DOCK3: variants seen among roughly 807,000 people sequenced by gnomAD.
The protein encoded by DOCK3 is dedicator of cytokinesis 3.
A neutral mutation model predicts 265.6 loss-of-function variants in DOCK3; 60 were observed. The observed-to-expected ratio is 0.23, with a 90% CI of 0.18 to 0.28. The LOEUF (loss-of-function observed/expected upper bound fraction) is 0.28, where lower values mean the gene tolerates loss of function less well. Ranked by LOEUF, DOCK3 falls within the 10% of genes least tolerant of loss-of-function variation. The pLI is 1.00. For synonymous variants in DOCK3, 881 were observed against 938.0 expected (o/e 0.94, Z 1.11); for missense variants, 1,981 against 2,594.3 (o/e 0.76, Z 5.14).
chr3:51,236,314 C>T (rs1271855495), intron 19 of DOCK3, 31 bp from the exon 20 acceptor site: 1 of 1,557,948 alleles, frequency 6.4e-7, no homozygotes, highest in Non-Finnish European at 8.9e-7. Flanking sequence ...GGTCCTGAGA[C>T]CTGAGCCCTC....
chr3:50,963,309 G>T (rs992192951), intron 5 of DOCK3, among the ~76,000 whole-genome samples: 2 of 152,128 alleles, frequency 1.3e-5, no homozygotes, highest in Non-Finnish European at 2.9e-5. Flanking sequence ...CATAAAATTT[G>T]TACTTCTGTT....
At chr3:51,122,963 G>C (rs1488887520) in intron 9 of DOCK3, among the ~76,000 whole-genome samples, 1 of 152,206 alleles carries the variant, frequency 6.6e-6, no homozygotes, top group Non-Finnish European at 1.5e-5. Context: ...TCTGAAACCT[G>C]TCTCAAGCCC....
chr3:50,705,803 G>C (rs2036374160), intron 1 of DOCK3, among the ~76,000 whole-genome samples: 1 of 152,162 alleles, frequency 6.6e-6, no homozygotes, highest in African/African-American at 2.4e-5. Context: ...GCTGAGGCAG[G>C]TGGATCACTT....
chr3:50,970,916 T>C (rs1328058953), intron 5 of DOCK3, among the ~76,000 whole-genome samples: 684 of 65,720 alleles, frequency 0.01, 75 homozygotes, highest in African/African-American at 0.039. Context: ...TATATATATA[T>C]ATATATATAT....
At chr3:51,264,643 C>T (rs1331973760) in intron 23 of DOCK3, among the ~76,000 whole-genome samples, 6 of 151,482 alleles carry the variant, frequency 4.0e-5, no homozygotes, top group South Asian at 4.2e-4. Flanking sequence ...CTGGCCAACA[C>T]GGTGAAACCC....
chr3:51,307,127 T>G (rs190008548), intron 27 of DOCK3, among the ~76,000 whole-genome samples: 47 of 152,294 alleles, frequency 3.1e-4, no homozygotes, highest in East Asian at 2.3e-3. Flanking sequence ...CATTGCTTTT[T>G]GGGGTTTTTT....
intron 1 of DOCK3, among the ~76,000 whole-genome samples, chr3:50,711,064 AC>A (rs2036732264): frequency 6.6e-6 from 1 of 152,190 alleles, no homozygotes; most frequent in African/African-American, 2.4e-5. Flanking sequence ...TAAAGAACTT[AC>A]CATATAATCA....
intron 19 of DOCK3, among the ~76,000 whole-genome samples, chr3:51,230,434 G>A (rs1226788675): frequency 1.3e-5 from 2 of 152,154 alleles, no homozygotes; most frequent in Non-Finnish European, 2.9e-5. Flanking sequence ...CCATGTTGCT[G>A]CAAAGGACAT....
At chr3:51,045,882 T>A (rs2080757984) in intron 5 of DOCK3, among the ~76,000 whole-genome samples, 1 of 152,200 alleles carries the variant, frequency 6.6e-6, no homozygotes, top group Admixed American at 6.5e-5. Flanking sequence ...TAGGTTGTAC[T>A]TTTTATTTTG....
At chr3:51,031,714 C>A (rs377493745) in intron 5 of DOCK3, among the ~76,000 whole-genome samples, 6 of 152,180 alleles carry the variant, frequency 3.9e-5, no homozygotes, top group African/African-American at 1.4e-4. Flanking sequence ...AAACTTAAGC[C>A]CCAATGCAGA....
chr3:51,381,731 C>G lies in DOCK3; in HGVS notation c.*172C>G, dbSNP rs1018220809. ...CCGTGAACTCATGTGTTGCCATGTA[C>G]AGAGGCCACAGCAGCATGAAGGGTT... On this transcript the variant is annotated 3_prime_UTR_variant, in exon 53 of 53. Coordinates refer to ENST00000266037, the MANE Select transcript of DOCK3 (RefSeq NM_004947.5). The surrounding 1 kb of genome is among the most constrained non-coding windows in gnomAD (Gnocchi z 5.6). 1.2e-6 allele frequency: 1 copy of G among 808,396 alleles called. No homozygotes were observed. Among genetic ancestry groups the G allele is most frequent in the Non-Finnish European group, 1.8e-6 (1 of 548,992 alleles). The allele number at this position is 808,396 out of a possible 1,614,324, so 50.1% of individuals were successfully genotyped here.
chr3:50,798,268 C>T (rs540201781), intron 2 of DOCK3, among the ~76,000 whole-genome samples: 76 of 152,278 alleles, frequency 5.0e-4, no homozygotes, highest in African/African-American at 1.7e-3. Flanking sequence ...AACCAGGTCT[C>T]GCTATGGAAT....
rs2050838692 is a variant in DOCK3 at position 50,927,752 on chromosome 3, G to C, written c.219-6229G>C. Among the ~76,000 whole-genome samples the C allele has an allele frequency of 2.6e-5, 4 of 152,122 alleles. 1 individual carries two copies. The South Asian group carries it at 8.3e-4, about 32-fold the overall frequency. On this transcript the variant is annotated intron_variant, in intron 4 of 52. Transcript: ENST00000266037. ...GCCCTGTGTTCCCCAGATGCAGGAAGAGTGATAAATCAAGTATCCATCATT... is the reference window on the plus strand; with the variant it reads ...GCCCTGTGTTCCCCAGATGCAGGAACAGTGATAAATCAAGTATCCATCATT...
chr3:50,999,193 T>G (rs1207492496), intron 5 of DOCK3, among the ~76,000 whole-genome samples: 1 of 152,240 alleles, frequency 6.6e-6, no homozygotes, highest in East Asian at 1.9e-4. Context: ...TGGGAAATCT[T>G]TGCCCAACCT....
intron 3 of DOCK3, among the ~76,000 whole-genome samples, chr3:50,882,582 A>G (rs1243308999): frequency 6.6e-6 from 1 of 152,220 alleles, no homozygotes; most frequent in Non-Finnish European, 1.5e-5. Context: ...ATCACACACC[A>G]GTTAGAATGG....
At chr3:50,904,067 A>G (rs1463728266) in intron 4 of DOCK3, among the ~76,000 whole-genome samples, 2 of 152,168 alleles carry the variant, frequency 1.3e-5, no homozygotes, top group African/African-American at 2.4e-5. Flanking sequence ...TTCTAGCTTC[A>G]TCCATGTCCC....
intron 38 of DOCK3, among the ~76,000 whole-genome samples, chr3:51,343,316 C>T (rs1203437067): frequency 6.6e-6 from 1 of 152,178 alleles, no homozygotes; most frequent in African/African-American, 2.4e-5. Flanking sequence ...CCAAGAGCTG[C>T]CCCATAGGGA....
chr3:51,052,279 G>A (rs2081022129), intron 5 of DOCK3, among the ~76,000 whole-genome samples: 2 of 152,128 alleles, frequency 1.3e-5, no homozygotes, highest in African/African-American at 2.4e-5. Context: ...ACCAAGGTGG[G>A]TGGATCGCTT....
chr3:51,172,114 T>G (rs1207791382), intron 12 of DOCK3, among the ~76,000 whole-genome samples: 2 of 152,174 alleles, frequency 1.3e-5, no homozygotes, highest in African/African-American at 2.4e-5. Flanking sequence ...TGAATATCTA[T>G]TTTGTCTAAT....
Sources: allele counts gnomAD v4.1 joint callset (sites outside exome capture counted in the v4.1 genomes callset), GRCh38; gene constraint gnomAD v4.1.1; non-coding constraint Gnocchi (gnomAD v3.1); transcripts MANE v1.5; gene names NCBI Gene and HGNC (gene_info 2026-07-23, HGNC 2026-07-21).